Variants in LPCAT4 observed in about 807,000 individuals in gnomAD.
The protein encoded by LPCAT4 is lysophosphatidylcholine acyltransferase 4.
In LPCAT4, 30 loss-of-function variants were observed where a neutral mutation model predicts 66.5. The observed-to-expected ratio is 0.45, with a 90% CI of 0.34 to 0.61. The LOEUF is 0.61. Ranked by LOEUF, LPCAT4 falls within the 20% of genes least tolerant of loss-of-function variation. The probability of loss-of-function intolerance (pLI) is 0.01; values close to 1 mark genes in which losing one functional copy is unlikely to be tolerated. For synonymous variants in LPCAT4, 253 were observed against 262.1 expected (o/e 0.97, Z 0.34); for missense variants, 557 against 656.7 (o/e 0.85, Z 1.66).
rs1891100604 is a variant in LPCAT4 at position 34,367,133 on chromosome 15, C to A, written c.-33G>T. 4.0e-6 allele frequency: 6 copies of A among 1,504,772 alleles called. No individual in the cohort carries two copies. Among genetic ancestry groups the A allele is most frequent in the Non-Finnish European group, 5.3e-6 (6 of 1,125,228 alleles). The allele number at this position is 1,504,772 out of a possible 1,614,324, so 93.2% of individuals were successfully genotyped here. On this transcript the variant is annotated 5_prime_UTR_variant, in exon 1 of 14. Transcript: ENST00000314891. ...GAAGGTGGGAGGGAGGGCACCCCGGCCCTGGCCCCGGCCACCACTCTGCAG... is the reference window on the plus strand; with the variant it reads ...GAAGGTGGGAGGGAGGGCACCCCGGACCTGGCCCCGGCCACCACTCTGCAG...
chr15:34,365,592 T>C lies in LPCAT4; in HGVS notation c.224A>G (p.Glu75Gly). Residue 75 changes from glutamate (E) to glycine (G), a missense_variant, in exon 2 of 14, where the codon GAG becomes GGG. Physicochemically the swap from Glu to Gly is moderately conservative, Grantham distance 98 (BLOSUM62 -2). Coordinates refer to ENST00000314891, the MANE Select transcript of LPCAT4 (RefSeq NM_153613.3). ...TCCTGTAATTGGCTCCTGAAGCTGC[T>C]CCTCACTAAGACCGGCCACTTGAAG... ...AWLQVAGLSE[E>G]QLQEPITGWR... is the part of the protein sequence containing the mutation. The C allele has an allele frequency of 6.2e-7, 1 of 1,614,120 alleles. No individual in the cohort carries two copies. Among genetic ancestry groups the C allele is most frequent in the Non-Finnish European group, 8.5e-7 (1 of 1,180,020 alleles).
At chr15:34,365,388 A>G (rs4984237) in intron 2 of LPCAT4, 160 bp from the exon 3 acceptor site, 789,100 of 1,147,056 alleles carry the variant, frequency 0.69, 274,970 homozygotes, top group East Asian at 0.83. Context: ...ATCAGGGCAC[A>G]TTACTTAGAG....
rs1163553298 is a variant in LPCAT4, at chr15:34,365,128, G to A, written c.358C>T (p.Gln120Ter). 1.2e-6 allele frequency: 2 copies of A among 1,614,226 alleles called. No homozygotes were observed. The highest frequency in any genetic ancestry group is 1.7e-6 in the Non-Finnish European group (2 of 1,180,044). The stretch of plus-strand genomic sequence containing the variant: ...GGGGCAGCAACAAGGACAGGGGCTT[G>A]AAGGCGAGAGGCTCGCTGGCCACGA... ...RVRGQRASRL[Q>*]APVLVAAPHS... Residue 120 changes from glutamine (Q) to a stop codon, truncating the protein, a stop_gained, in exon 3 of 14, where the codon CAA becomes TAA. Coordinates refer to ENST00000314891, the MANE Select transcript of LPCAT4 (RefSeq NM_153613.3). LOFTEE classifies it high-confidence loss of function.
Position 34,367,106 on chromosome 15 carries a change from GAGA to G in LPCAT4, c.-9_-7del, listed in dbSNP as rs1353425502. 1 of 1,537,768 alleles carries G rather than the reference GAGA, an allele frequency of 6.5e-7. No homozygotes were observed. Among genetic ancestry groups the G allele is most frequent in the African/African-American group, 1.4e-5 (1 of 72,838 alleles). On this transcript the variant is annotated 5_prime_UTR_variant, in exon 1 of 14. Transcript: ENST00000314891. ...CCCGGACTTCCCTGGCTCATGGCGG[GAGA>G]AGGTGGGAGGGAGGGCACCCCGGCC...
intron 7 of LPCAT4, 136 bp from the exon 8 acceptor site, chr15:34,362,972 C>G: frequency 1.2e-6 from 1 of 814,886 alleles, no homozygotes; most frequent in Non-Finnish European, 2.0e-6. Flanking sequence ...GGACAGACTC[C>G]TAGCCATACA....
At chr15:34,362,139 TC>T in intron 10 of LPCAT4, 56 bp downstream of exon 10, 4 of 1,005,414 alleles carry the variant, frequency 4.0e-6, no homozygotes, top group Non-Finnish European at 4.0e-6. Context: ...CCCTTCTTAT[TC>T]TCTCTCTCTC....
In LPCAT4 at chr15:34,365,193, C is replaced by T. The variant is rs762591333; in HGVS notation, c.293G>A (p.Arg98His). The change falls in exon 3 of 14, where the codon CGC becomes CAC. Residue 98 changes from arginine to histidine, a missense_variant. Transcript: ENST00000314891. ...GAAGCCCAGCAGGAAAAACAGCAGG[C>T]GGCTCAGGCCTAGCACCCCGTTGTG... is the stretch of plus-strand genomic sequence containing the variant. ...VCHNGVLGLSRLLFFLLGFLR... is the reference protein window; with the variant it reads ...VCHNGVLGLSHLLFFLLGFLR... 5.6e-6 allele frequency: 9 copies of T among 1,612,846 alleles called. No individual in the cohort carries two copies. Among genetic ancestry groups the T allele is most frequent in the South Asian group, 1.1e-5 (1 of 90,934 alleles).
In LPCAT4 at chr15:34,359,226, G is replaced by A; in HGVS notation, c.1476C>T (p.Thr492=). The A allele has an allele frequency of 6.3e-7, 1 of 1,584,770 alleles. No homozygotes were observed. The highest frequency in any genetic ancestry group is 8.6e-7 in the Non-Finnish European group (1 of 1,164,932). The change falls in exon 14 of 14, where the codon ACC becomes ACT. Residue 492 remains threonine (T), a synonymous_variant. Coordinates refer to ENST00000314891, the MANE Select transcript of LPCAT4 (RefSeq NM_153613.3). ...LFSTYLRPPH[T]SRGTSQTPNA... ...TTGGTGTCTGGGAGGTGCCTCGAGA[G>A]GTGTGTGGGGGGCGCAGGTAGGTGC...
Position 34,363,266 on chromosome 15 carries a change from T to C in LPCAT4, c.746+156A>G, listed in dbSNP as rs1248838872. Among the ~76,000 whole-genome samples, 4 of 152,170 alleles carry C rather than the reference T, an allele frequency of 2.6e-5. No homozygotes were observed. The highest frequency in any genetic ancestry group is 9.7e-5 in the African/African-American group (4 of 41,440). On this transcript the variant is annotated intron_variant, in intron 7 of 13. Transcript: ENST00000314891. The surrounding 1 kb of genome is among the most constrained non-coding windows in gnomAD (Gnocchi z 4.3). The stretch of plus-strand genomic sequence containing the variant: ...CTAATCTAAGCACAGCCAGATTATA[T>C]GGGGACATCAGGGGGAAAGTGGTGT...
chr15:34,363,773 T>C lies in LPCAT4; in HGVS notation c.653-54A>G. The C allele has an allele frequency of 6.3e-7, 1 of 1,593,944 alleles. No homozygotes were observed. Among genetic ancestry groups the C allele is most frequent in the African/African-American group, 1.3e-5 (1 of 74,586 alleles). On this transcript the variant is annotated intron_variant, in intron 5 of 13. Coordinates refer to ENST00000314891, the MANE Select transcript of LPCAT4 (RefSeq NM_153613.3). This position sits in a 1 kb window ranked among gnomAD's most constrained non-coding sequence, Gnocchi z 4.3. ...CAAGGCAGAGGTTAGTACACAGAAGTAGCTAGAGGGCATGAGGTATGGCAG... is the reference window on the plus strand; with the variant it reads ...CAAGGCAGAGGTTAGTACACAGAAGCAGCTAGAGGGCATGAGGTATGGCAG...
chr15:34,360,917 G>C (rs1306189906), intron 11 of LPCAT4: 2 of 154,202 alleles, frequency 1.3e-5, no homozygotes, highest in African/African-American at 4.8e-5. Flanking sequence ...TACATGGCTT[G>C]CTAAGAATCT....
chr15:34,359,152 T>C lies in LPCAT4; in HGVS notation c.1550A>G (p.Gln517Arg), dbSNP rs1890879225. ...TCAGTCTCCCTTCTGCTTGGGTGCTTGCACAGTCCCATTGGCCAGAGCAGT... is the reference window on the plus strand; with the variant it reads ...TCAGTCTCCCTTCTGCTTGGGTGCTCGCACAGTCCCATTGGCCAGAGCAGT... ...NPTALANGTV[Q>R]APKQKGD The change falls in exon 14 of 14, where the codon CAA becomes CGA. Residue 517 changes from glutamine (Q) to arginine (R), a missense_variant. This residue lies in a region of LPCAT4 where 392 missense variants were observed against 473.9 expected (regional missense o/e 0.83). Transcript: ENST00000314891. 1.2e-6 allele frequency: 2 copies of C among 1,606,406 alleles called. No individual in the cohort carries two copies. Among genetic ancestry groups the C allele is most frequent in the Admixed American group, 3.4e-5 (2 of 59,184 alleles).
chr15:34,365,747 C>G lies in LPCAT4; in HGVS notation c.115-46G>C, dbSNP rs1891061973. ...TGCCACTTTAGAGCTTGGATATGCTCCCTCCACAGCATCCTTCTTCCACAA... is the reference window on the plus strand; with the variant it reads ...TGCCACTTTAGAGCTTGGATATGCTGCCTCCACAGCATCCTTCTTCCACAA... On this transcript the variant is annotated intron_variant, in intron 1 of 13. Transcript: ENST00000314891. 3.1e-6 allele frequency: 5 copies of G among 1,599,254 alleles called. No homozygotes were observed. The South Asian group carries it at 3.3e-5, about 11-fold the overall frequency.
chr15:34,361,343 A>T lies in LPCAT4; in HGVS notation c.1143+57T>A. The T allele has an allele frequency of 1.9e-6, 3 of 1,607,996 alleles. No homozygotes were observed. The South Asian group carries it at 3.3e-5, about 18-fold the overall frequency. On this transcript the variant is annotated intron_variant, in intron 11 of 13. Transcript: ENST00000314891. Reference sequence around the variant, plus strand: ...AGTGACTGATACGGCCACTAGGAACATGTCAGCCTGGAGGGAAGCCTGGGT... The same window carrying T: ...AGTGACTGATACGGCCACTAGGAACTTGTCAGCCTGGAGGGAAGCCTGGGT...
chr15:34,364,250 G>T lies in LPCAT4; in HGVS notation c.535C>A (p.Arg179Ser). The stretch of plus-strand genomic sequence containing the variant: ...CTTCGGACCTCCTCCACCACTCTGC[G>T]TCGAGAAGCCGGGTCATGCCGGGAT... ...LVSRHDPASR[R>S]RVVEEVRRRA... The change falls in exon 4 of 14, where the codon CGC becomes AGC. Residue 179 changes from arginine to serine, a missense_variant. Coordinates refer to ENST00000314891, the MANE Select transcript of LPCAT4 (RefSeq NM_153613.3). 6.2e-7 allele frequency: 1 copy of T among 1,614,096 alleles called. No individual in the cohort carries two copies. The highest frequency in any genetic ancestry group is 8.5e-7 in the Non-Finnish European group (1 of 1,179,950).
At chr15:34,359,465 T>TA (rs1347273658) in intron 13 of LPCAT4, 124 bp downstream of exon 13, 3 of 1,373,416 alleles carry the variant, frequency 2.2e-6, no homozygotes, top group Non-Finnish European at 2.9e-6. Flanking sequence ...CTCCCAGCCT[T>TA]ACTTCTCATA....
At position 34,360,148 on chromosome 15, in the gene LPCAT4, C is replaced by T. The variant is rs532690523; in HGVS notation, c.1205G>A (p.Gly402Asp). 1 of 1,613,976 alleles carries T rather than the reference C, an allele frequency of 6.2e-7. No homozygotes were observed. Among genetic ancestry groups the T allele is most frequent in the South Asian group, 1.1e-5 (1 of 91,056 alleles). Residue 402 changes from glycine to aspartate, a missense_variant, in exon 12 of 14, where the codon GGC (glycine) becomes GAC (aspartate). This residue lies in a region of LPCAT4 where 392 missense variants were observed against 473.9 expected (regional missense o/e 0.83). Coordinates refer to ENST00000314891, the MANE Select transcript of LPCAT4 (RefSeq NM_153613.3). The stretch of plus-strand genomic sequence containing the variant: ...ACGAGTTAGCTCTTCCAGGCTCCTG[C>T]CCCCATCCAGAGCTGCTAGTGCAAG... ...VALALAALDGGRSLEELTRLA... is the reference protein window; with the variant it reads ...VALALAALDGDRSLEELTRLA...
chr15:34,365,180 G>A lies in LPCAT4; in HGVS notation c.306C>T (p.Phe102=), dbSNP rs542869423. The change falls in exon 3 of 14, where the codon TTC becomes TTT. Residue 102 remains phenylalanine (F), a synonymous_variant. Transcript: ENST00000314891. ...CGCGAATCCGGAGGAAGCCCAGCAG[G>A]AAAAACAGCAGGCGGCTCAGGCCTA... ...GVLGLSRLLF[F]LLGFLRIRVR... 108 of 1,613,984 alleles carry A rather than the reference G, an allele frequency of 6.7e-5. 1 individual carries two copies. In the South Asian group the frequency reaches 9.3e-4, roughly 14 times the overall value.
chr15:34,362,300 G>T lies in LPCAT4; in HGVS notation c.906C>A (p.Thr302=). The T allele has an allele frequency of 6.2e-7, 1 of 1,614,066 alleles. No homozygotes were observed. Among genetic ancestry groups the T allele is most frequent in the East Asian group, 2.2e-5 (1 of 44,876 alleles). The change falls in exon 10 of 14, where the codon ACC becomes ACA. Residue 302 remains threonine (T), a synonymous_variant. Coordinates refer to ENST00000314891, the MANE Select transcript of LPCAT4 (RefSeq NM_153613.3). ...VMAQALGIPA[T]ECEFVGSLPV... is the part of the protein sequence containing the mutation. Reference sequence around the variant, plus strand: ...GTAAGCTCCCTACAAACTCACATTCGGTGGCTGGAATGCCCAGAGCCCTAC... The same window carrying T: ...GTAAGCTCCCTACAAACTCACATTCTGTGGCTGGAATGCCCAGAGCCCTAC...
Sources: allele counts gnomAD v4.1 joint callset (sites outside exome capture counted in the v4.1 genomes callset), GRCh38; gene constraint gnomAD v4.1.1; regional missense constraint gnomAD v4.1.1; non-coding constraint Gnocchi (gnomAD v3.1); transcripts MANE v1.5; gene names NCBI Gene and HGNC (gene_info 2026-07-23, HGNC 2026-07-21).